CYTH3: variants seen among roughly 807,000 people sequenced by gnomAD.
CYTH3 encodes cytohesin-3.
In CYTH3, 23 loss-of-function variants were observed where a neutral mutation model predicts 55.1. That is an observed-to-expected ratio of 0.42 (90% CI 0.30 to 0.59). The LOEUF is 0.59. CYTH3 is among the 20% of genes least tolerant of loss of function. The probability of loss-of-function intolerance (pLI) is 0.20; values close to 1 mark genes in which losing one functional copy is unlikely to be tolerated. For missense variants in CYTH3, 413 were observed against 524.8 expected (o/e 0.79, Z 2.08); for synonymous variants, 249 against 194.9 (o/e 1.28, Z -2.31).
At chr7:6,223,455 T>C (rs1031114527) in intron 1 of CYTH3, among the ~76,000 whole-genome samples, 3 of 152,202 alleles carry the variant, frequency 2.0e-5, no homozygotes, top group African/African-American at 7.2e-5. Context: ...TAGAAAGAAG[T>C]TGACATAGGA....
At chr7:6,256,813 C>T (rs947158146) in intron 1 of CYTH3, among the ~76,000 whole-genome samples, 2 of 152,234 alleles carry the variant, frequency 1.3e-5, no homozygotes, top group Non-Finnish European at 2.9e-5. Flanking sequence ...GGGCAGGACA[C>T]ACCACATCCA....
rs1281335380 is a variant in CYTH3 at position 6,161,830 on chromosome 7, T to C, written c.*3114A>G. The C allele has an allele frequency of 1.3e-5, 2 of 152,578 alleles. No individual in the cohort carries two copies. The highest frequency in any genetic ancestry group is 2.9e-5 in the Non-Finnish European group (2 of 68,048). 9.5% of individuals were successfully genotyped at this position (152,578 alleles called of 1,614,324 possible). A position where few individuals can be genotyped will look rare whatever the true frequency, so the allele number is the denominator to read the frequency against. ...TAGTGAACACAGTATCTGCAAGAGC[T>C]CTGACAGCCATCCACCCTCCAATCT... is the stretch of plus-strand genomic sequence containing the variant. On this transcript the variant is annotated 3_prime_UTR_variant, in exon 13 of 13. Coordinates refer to ENST00000350796, the MANE Select transcript of CYTH3 (RefSeq NM_004227.4).
intron 12 of CYTH3, 34 bp from the exon 13 acceptor site, chr7:6,165,050 G>C (rs757910661): frequency 6.2e-7 from 1 of 1,612,020 alleles, no homozygotes; most frequent in South Asian, 1.1e-5. Context: ...AGGTTAGGTC[G>C]TGGGTGACAC....
At chr7:6,209,021 T>A (rs917406457) in intron 1 of CYTH3, among the ~76,000 whole-genome samples, 2 of 152,188 alleles carry the variant, frequency 1.3e-5, no homozygotes, top group Admixed American at 6.5e-5. Flanking sequence ...ACAGGGAAAT[T>A]TGAGAAGCAC....
At chr7:6,188,247 T>G (rs1562886762) in intron 2 of CYTH3, among the ~76,000 whole-genome samples, 1 of 151,618 alleles carries the variant, frequency 6.6e-6, no homozygotes, top group Non-Finnish European at 1.5e-5. Context: ...GAGGGAGGAC[T>G]GCATGAACCC....
At position 6,177,929 on chromosome 7, in the gene CYTH3, G is replaced by C; in HGVS notation, c.262C>G (p.Leu88Val). 6.2e-7 allele frequency: 1 copy of C among 1,613,284 alleles called. No homozygotes were observed. The highest frequency in any genetic ancestry group is 1.1e-5 in the South Asian group (1 of 91,058). The stretch of plus-strand genomic sequence containing the variant: ...CTCTGTAGCAGGTCATTTTCTATTA[G>C]AAACTGAATTCCCTGAAGAACATTA... ...NMDPKKGIQF[L>V]IENDLLQSSP... The change falls in exon 5 of 13, where the codon CTA becomes GTA. Residue 88 changes from leucine to valine, a missense_variant. Coordinates refer to ENST00000350796, the MANE Select transcript of CYTH3 (RefSeq NM_004227.4).
At chr7:6,272,425 GC>G in intron 1 of CYTH3, 48 bp downstream of exon 1, 17 of 1,166,760 alleles carry the variant, frequency 1.5e-5, no homozygotes, top group South Asian at 8.6e-5. Flanking sequence ...CCAGCCCCCG[GC>G]CCCCGACCCC....
chr7:6,189,434 G>C (rs1266849913), intron 2 of CYTH3, among the ~76,000 whole-genome samples: 1 of 151,872 alleles, frequency 6.6e-6, no homozygotes, highest in Non-Finnish European at 1.5e-5. Context: ...TCAGCCTCCC[G>C]AGTATCTGGG....
At chr7:6,209,514 C>T (rs1298342606) in intron 1 of CYTH3, among the ~76,000 whole-genome samples, 3 of 152,164 alleles carry the variant, frequency 2.0e-5, no homozygotes, top group South Asian at 2.1e-4. Context: ...CACAAATGCA[C>T]GTGACTAAAA....
chr7:6,164,813 A>G lies in CYTH3; in HGVS notation c.*131T>C. 9.6e-7 allele frequency: 1 copy of G among 1,038,408 alleles called. No homozygotes were observed. The highest frequency in any genetic ancestry group is 1.5e-6 in the Non-Finnish European group (1 of 682,138). 64.3% of individuals were successfully genotyped at this position (1,038,408 alleles called of 1,614,324 possible). A position where few individuals can be genotyped will look rare whatever the true frequency, so the allele number is the denominator to read the frequency against. ...AGGCCTTGGGGATACCACCTGGGCC[A>G]CGGTATGCTCTGGAGCAGCAGCTTG... On this transcript the variant is annotated 3_prime_UTR_variant, in exon 13 of 13. Transcript: ENST00000350796.
chr7:6,216,154 TCTC>T (rs1441546932), intron 1 of CYTH3, among the ~76,000 whole-genome samples: 3 of 152,184 alleles, frequency 2.0e-5, no homozygotes, highest in East Asian at 1.9e-4. Flanking sequence ...AAACTTTCCT[TCTC>T]CTCTTGGGTT....
At chr7:6,265,618 CAAAA>C (rs111748997) in intron 1 of CYTH3, among the ~76,000 whole-genome samples, 51 of 109,898 alleles carry the variant, frequency 4.6e-4, no homozygotes, top group Admixed American at 1.1e-3. Context: ...GACTCCATTT[CAAAA>C]AAAAAAAAAA....
intron 1 of CYTH3, among the ~76,000 whole-genome samples, chr7:6,265,447 TA>T (rs926620866): frequency 9.1e-4 from 132 of 145,466 alleles, no homozygotes; most frequent in Admixed American, 1.6e-3. Context: ...CCGTATCTAT[TA>T]AAAAAAAAAA....
intron 1 of CYTH3, among the ~76,000 whole-genome samples, chr7:6,215,004 C>G (rs1392020231): frequency 1.3e-5 from 2 of 151,606 alleles, no homozygotes; most frequent in African/African-American, 4.8e-5. Flanking sequence ...TAAACAGAAC[C>G]CACCTTACAC....
intron 1 of CYTH3, among the ~76,000 whole-genome samples, chr7:6,239,030 A>G (rs900317189): frequency 1.3e-5 from 2 of 152,194 alleles, no homozygotes; most frequent in African/African-American, 4.8e-5. Flanking sequence ...CCTGGCCAAC[A>G]TGGCAAAACC....
chr7:6,259,803 A>AT (rs1361577554), intron 1 of CYTH3, among the ~76,000 whole-genome samples: 7 of 24,260 alleles, frequency 2.9e-4, no homozygotes. Context: ...ATATATATAT[A>AT]TATATATATA....
rs1017247607 is a variant in CYTH3, at chr7:6,171,537, T to C, written c.450-223A>G. Reference sequence around the variant, plus strand: ...TACTGATGGCTCATCTTTTTGTAACTACAACCAATTCAGCAGCGAGGCCGG... The same window carrying C: ...TACTGATGGCTCATCTTTTTGTAACCACAACCAATTCAGCAGCGAGGCCGG... On this transcript the variant is annotated intron_variant, in intron 6 of 12. Coordinates refer to ENST00000350796, the MANE Select transcript of CYTH3 (RefSeq NM_004227.4). The surrounding 1 kb of genome is among the most constrained non-coding windows in gnomAD (Gnocchi z 6.7). 1.3e-5 allele frequency among the ~76,000 whole-genome samples: 2 copies of C among 152,258 alleles called. No individual in the cohort carries two copies. The highest frequency in any genetic ancestry group is 6.5e-5 in the Admixed American group (1 of 15,306).
intron 1 of CYTH3, among the ~76,000 whole-genome samples, chr7:6,269,308 T>C (rs1300325658): frequency 6.6e-6 from 1 of 152,218 alleles, no homozygotes; most frequent in Non-Finnish European, 1.5e-5. Context: ...AAACAGACTT[T>C]GTATACTTGG....
At chr7:6,205,209 G>T (rs1253456007) in intron 1 of CYTH3, among the ~76,000 whole-genome samples, 2 of 151,792 alleles carry the variant, frequency 1.3e-5, no homozygotes, top group African/African-American at 4.8e-5. Flanking sequence ...CCATTTGTTT[G>T]GAAATTAAAT....
Sources: allele counts gnomAD v4.1 joint callset (sites outside exome capture counted in the v4.1 genomes callset), GRCh38; gene constraint gnomAD v4.1.1; non-coding constraint Gnocchi (gnomAD v3.1); transcripts MANE v1.5; gene names NCBI Gene and HGNC (gene_info 2026-07-23, HGNC 2026-07-21).